The following CRADD variants were observed in gnomAD, a reference collection of about 807,000 sequenced individuals.
The protein encoded by CRADD is death domain-containing protein CRADD.
CRADD carries 9 observed loss-of-function variants against 15.5 expected under a neutral mutation model. The observed-to-expected ratio is 0.58, with a 90% confidence interval of 0.35 to 1.01. CRADD has a LOEUF of 1.01. CRADD is among the 50% of genes least tolerant of loss of function. CRADD has a pLI of 0.02. For synonymous variants in CRADD, 118 were observed against 107.6 expected (o/e 1.10, Z -0.60); for missense variants, 227 against 250.3 (o/e 0.91, Z 0.63).
chr12:93,743,382 A>C (rs778352885), intron 2 of CRADD, among the ~76,000 whole-genome samples: 5 of 152,118 alleles, frequency 3.3e-5, no homozygotes, highest in Non-Finnish European at 5.9e-5. Flanking sequence ...TCCAGGCCGG[A>C]GTGCAGTGGG....
At chr12:93,810,162 A>G (rs1367211507) in intron 2 of CRADD, among the ~76,000 whole-genome samples, 1 of 152,190 alleles carries the variant, frequency 6.6e-6, no homozygotes, top group Non-Finnish European at 1.5e-5. Flanking sequence ...GAAGTAGGAC[A>G]TTCTGTGCCC....
intron 2 of CRADD, among the ~76,000 whole-genome samples, chr12:93,713,967 T>C (rs1956118894): frequency 6.6e-6 from 1 of 152,234 alleles, no homozygotes; most frequent in South Asian, 2.1e-4. Flanking sequence ...TGGAAGGAAC[T>C]GGTGGATATC....
intron 2 of CRADD, among the ~76,000 whole-genome samples, chr12:93,839,453 T>C (rs903581698): frequency 2.0e-5 from 3 of 152,220 alleles, no homozygotes; most frequent in Admixed American, 6.5e-5. Context: ...ACAGGTCTTT[T>C]TTAGAACTTT....
At chr12:93,893,766 C>T (rs112948713) in intron 2 of CRADD, among the ~76,000 whole-genome samples, 4,281 of 152,028 alleles carry the variant, frequency 0.028, 94 homozygotes, top group South Asian at 0.092. Context: ...ATTAGCCAGG[C>T]GCGGTAGCAT....
At chr12:93,808,168 C>T (rs7955638) in intron 2 of CRADD, among the ~76,000 whole-genome samples, 105,846 of 151,272 alleles carry the variant, frequency 0.7, 37,328 homozygotes, top group Non-Finnish European at 0.74. Context: ...CTCAGGCTTT[C>T]GCTCTAGCTC....
chr12:93,868,208 T>C (rs2137064282), intron 2 of CRADD, among the ~76,000 whole-genome samples: 2 of 152,346 alleles, frequency 1.3e-5, no homozygotes, highest in South Asian at 4.1e-4. Context: ...GTTCATTGCA[T>C]CATTGCTTGT....
chr12:93,806,474 A>G (rs1012201785), intron 2 of CRADD, among the ~76,000 whole-genome samples: 1 of 78,276 alleles, frequency 1.3e-5, no homozygotes, highest in African/African-American at 4.4e-5. Context: ...AAAAAAAAAC[A>G]AAAAAAAGAA....
intron 2 of CRADD, among the ~76,000 whole-genome samples, chr12:93,805,221 G>T (rs1957523359): frequency 6.6e-6 from 1 of 150,874 alleles, no homozygotes. Flanking sequence ...TACTCTACAT[G>T]GAAATCCTGT....
intron 2 of CRADD, among the ~76,000 whole-genome samples, chr12:93,697,679 G>A (rs1325837220): frequency 6.6e-6 from 1 of 152,096 alleles, no homozygotes; most frequent in African/African-American, 2.4e-5. Flanking sequence ...TTTGCTGTAG[G>A]GGAGGAAAAA....
chr12:93,891,943 CT>C (rs909419191), intron 2 of CRADD, among the ~76,000 whole-genome samples: 2 of 152,198 alleles, frequency 1.3e-5, no homozygotes, highest in African/African-American at 4.8e-5. Context: ...GTTATACTTT[CT>C]GTTATCCATT....
chr12:93,732,472 G>A (rs1178798960), intron 2 of CRADD, among the ~76,000 whole-genome samples: 1 of 152,132 alleles, frequency 6.6e-6, no homozygotes, highest in Non-Finnish European at 1.5e-5. Context: ...CAGAGAAAAT[G>A]GTTAGTAATG....
chr12:93,712,494 C>T (rs947692711), intron 2 of CRADD, among the ~76,000 whole-genome samples: 10 of 152,044 alleles, frequency 6.6e-5, no homozygotes, highest in African/African-American at 2.4e-4. Context: ...TTTGAACAGG[C>T]CAGAAAAAAC....
At chr12:93,767,644 C>T (rs1957039998) in intron 2 of CRADD, among the ~76,000 whole-genome samples, 1 of 152,158 alleles carries the variant, frequency 6.6e-6, no homozygotes, top group South Asian at 2.1e-4. Flanking sequence ...CAAGGATGTA[C>T]ACCTAGTAAA....
intron 2 of CRADD, among the ~76,000 whole-genome samples, chr12:93,711,055 C>CCCCTTTT: frequency 2.0e-3 from 88 of 43,512 alleles, no homozygotes; most frequent in African/African-American, 2.5e-3. Context: ...CCACCCCCGC[C>CCCCTTTT]TTTTTTTTTT....
At chr12:93,739,080 A>G (rs536313860) in intron 2 of CRADD, among the ~76,000 whole-genome samples, 21 of 152,248 alleles carry the variant, frequency 1.4e-4, no homozygotes, top group Admixed American at 3.9e-4. Flanking sequence ...AGCAAAATAC[A>G]CAGGTATCTG....
At chr12:93,806,318 G>A (rs1273582405) in intron 2 of CRADD, among the ~76,000 whole-genome samples, 1 of 151,790 alleles carries the variant, frequency 6.6e-6, no homozygotes, top group Non-Finnish European at 1.5e-5. Flanking sequence ...TGGGCTTGGT[G>A]GCGCATGCCT....
intron 2 of CRADD, among the ~76,000 whole-genome samples, chr12:93,712,843 T>C (rs1956098006): frequency 6.6e-6 from 1 of 152,010 alleles, no homozygotes; most frequent in Admixed American, 6.6e-5. Flanking sequence ...TGTTGTTTAG[T>C]GGGAAAGTGG....
chr12:93,775,676 C>G (rs903079531), intron 2 of CRADD, among the ~76,000 whole-genome samples: 5 of 152,154 alleles, frequency 3.3e-5, no homozygotes, highest in Non-Finnish European at 7.4e-5. Context: ...CACCATAGTG[C>G]TTTGCTGAGA....
chr12:93,802,632 G>T (rs1000363879), intron 2 of CRADD, among the ~76,000 whole-genome samples: 4 of 152,192 alleles, frequency 2.6e-5, no homozygotes, highest in South Asian at 2.1e-4. Context: ...ATGTATCTTT[G>T]TGGGGCCTCT....
Sources: gnomAD v4.1 joint callset for allele counts (sites outside exome capture counted in the v4.1 genomes callset) on GRCh38, gnomAD v4.1.1 for gene constraint, MANE v1.5 for transcripts, NCBI Gene and HGNC (gene_info 2026-07-23, HGNC 2026-07-21) for gene names.